The following PASK variants were observed in gnomAD, a reference collection of about 807,000 sequenced individuals.
PASK encodes the protein PAS domain containing serine/threonine kinase.
PASK carries 110 observed loss-of-function variants against 121.0 expected under a neutral mutation model. That is an observed-to-expected ratio of 0.91 (90% CI 0.78 to 1.06). The LOEUF (loss-of-function observed/expected upper bound fraction) is 1.06, where lower values mean the gene tolerates loss of function less well. Ranked by LOEUF, PASK falls within the 50% of genes least tolerant of loss-of-function variation. The pLI, the probability that PASK is intolerant of heterozygous loss-of-function variation, is 0.00. For missense variants in PASK, 1,643 were observed against 1,702.3 expected (o/e 0.97, Z 0.61); for synonymous variants, 686 against 717.8 (o/e 0.96, Z 0.71).
At position 241,108,397 on chromosome 2, in the gene PASK, C is replaced by G; in HGVS notation, c.3534-97G>C. ...ACCATGGCCCTTCCCGACCAGCACACAGGCCAGGCAGTGGTTTCCCAAGAG... is the reference window on the plus strand; with the variant it reads ...ACCATGGCCCTTCCCGACCAGCACAGAGGCCAGGCAGTGGTTTCCCAAGAG... On this transcript the variant is annotated intron_variant, in intron 15 of 17. Transcript: ENST00000234040. The surrounding 1 kb of genome is among the most constrained non-coding windows in gnomAD (Gnocchi z 5.2). The G allele has an allele frequency of 8.1e-7, 1 of 1,241,086 alleles. No homozygotes were observed. The highest frequency in any genetic ancestry group is 1.2e-6 in the Non-Finnish European group (1 of 857,658). 76.9% of individuals were successfully genotyped at this position (1,241,086 alleles called of 1,614,324 possible).
intron 17 of PASK, 42 bp from the exon 18 acceptor site, chr2:241,106,765 T>G (rs2125397095): frequency 6.3e-7 from 1 of 1,596,596 alleles, no homozygotes; most frequent in East Asian, 2.2e-5. Flanking sequence ...GCTAACAACT[T>G]AAGGTTCTAA....
At chr2:241,123,873 G>T in intron 11 of PASK, 76 bp downstream of exon 11, 1 of 1,228,066 alleles carries the variant, frequency 8.1e-7, no homozygotes, top group Non-Finnish European at 1.2e-6. Flanking sequence ...CAAGGAAACA[G>T]AGAGAGATGC....
Position 241,132,865 on chromosome 2 carries a change from G to A in PASK, c.1463+9C>T, listed in dbSNP as rs11684830. On this transcript the variant is annotated intron_variant, in intron 9 of 17. Transcript: ENST00000234040. ...TAGTAAACCTGCAACCTCCCACCAA[G>A]GGACTTACCCTGGAGCAGGCTGAGG... 0.41 allele frequency: 657,893 copies of A among 1,610,078 alleles called. 142,275 individuals are homozygous for A. Among genetic ancestry groups the A allele is most frequent in the Middle Eastern group, 0.5 (3,001 of 6,044 alleles).
chr2:241,133,613 G>A lies in PASK; in HGVS notation c.1307-583C>T, dbSNP rs986611813. 6.0e-5 allele frequency: 11 copies of A among 183,470 alleles called. No homozygotes were observed. In the East Asian group the frequency reaches 8.1e-4, roughly 13 times the overall value. 11.4% of individuals were successfully genotyped at this position (183,470 alleles called of 1,614,324 possible). A position where few individuals can be genotyped will look rare whatever the true frequency, so the allele number is the denominator to read the frequency against. The stretch of plus-strand genomic sequence containing the variant: ...CCCGTGAGCGCAGGGGCATCTGCAC[G>A]CAGTGCAGCCTGGCACGTGGTAGGG... On this transcript the variant is annotated intron_variant, in intron 8 of 17. Coordinates refer to ENST00000234040, the MANE Select transcript of PASK (RefSeq NM_015148.4).
chr2:241,139,228 G>A (rs142032060), intron 4 of PASK, among the ~76,000 whole-genome samples: 2 of 152,194 alleles, frequency 1.3e-5, no homozygotes, highest in Non-Finnish European at 2.9e-5. Flanking sequence ...CACTAGGTGG[G>A]AAACAGGCAA....
At chr2:241,149,895 C>T (rs988487502), upstream of PASK, 3 of 1,441,180 alleles carry the variant, frequency 2.1e-6, no homozygotes, top group Non-Finnish European at 2.7e-6. Flanking sequence ...AGCGGCCCCA[C>T]CAGCGCAAGT....
chr2:241,142,891 G>T lies in PASK; in HGVS notation c.142C>A (p.Leu48Met). Residue 48 changes from leucine to methionine, a missense_variant, in exon 2 of 18, where the codon CTG becomes ATG. Physicochemically the swap from Leu to Met is conservative, Grantham distance 15. Coordinates refer to ENST00000234040, the MANE Select transcript of PASK (RefSeq NM_015148.4). Reference protein sequence around the residue: ...SRSFSSAHRHLSRRNGLSRLC... With the variant: ...SRSFSSAHRHMSRRNGLSRLC... ...CTGGAAAGCCCATTCCTTCTGCTCA[G>T]GTGTCTGTGGGCTGAGGAAAACGAC... 1 of 1,614,100 alleles carries T rather than the reference G, an allele frequency of 6.2e-7. No individual in the cohort carries two copies. The highest frequency in any genetic ancestry group is 8.5e-7 in the Non-Finnish European group (1 of 1,179,992).
rs2066623873 is a variant in PASK at position 241,139,917 on chromosome 2, C to T, written c.568G>A (p.Asp190Asn). The T allele has an allele frequency of 2.5e-6, 4 of 1,614,090 alleles. No individual in the cohort carries two copies. Among genetic ancestry groups the T allele is most frequent in the Admixed American group, 1.7e-5 (1 of 60,018 alleles). Residue 190 changes from aspartate (D) to asparagine (N), a missense_variant, in exon 4 of 18, where the codon GAC (aspartate) becomes AAC (asparagine). By Grantham distance (23) the Asp-to-Asn change is conservative (BLOSUM62 1). This residue lies in a region of PASK where 1,176 missense variants were observed against 1,162.2 expected (regional missense o/e 1.01). Transcript: ENST00000234040. ...CCAAACACCACCGCAGCGTGGCCGT[C>T]GGCCTCCATGTGCTCCTCGCTGAGG... ...EALSEEHMEA[D>N]GHAAVVFGTV... is the part of the protein sequence containing the mutation.
At chr2:241,117,695 C>G (rs534707795) in intron 12 of PASK, among the ~76,000 whole-genome samples, 2 of 152,152 alleles carry the variant, frequency 1.3e-5, no homozygotes, top group Non-Finnish European at 2.9e-5. Context: ...AAATAAATCA[C>G]GTTTTGCTGT....
rs184655247 is a variant in PASK at position 241,145,471 on chromosome 2, T to C, written c.-42-2397A>G. ...GAGACCTGTCAAACCAAATAAAATATAAAATAAAATCACTAAGTTTTTAGG... is the reference window on the plus strand; with the variant it reads ...GAGACCTGTCAAACCAAATAAAATACAAAATAAAATCACTAAGTTTTTAGG... On this transcript the variant is annotated intron_variant, in intron 1 of 17. Coordinates refer to ENST00000234040, the MANE Select transcript of PASK (RefSeq NM_015148.4). Among the ~76,000 whole-genome samples the C allele has an allele frequency of 7.9e-5, 12 of 152,164 alleles. No homozygotes were observed. The East Asian group carries it at 2.3e-3, about 29-fold the overall frequency.
chr2:241,118,147 C>G (rs1237236902), intron 12 of PASK, among the ~76,000 whole-genome samples: 1 of 151,678 alleles, frequency 6.6e-6, no homozygotes, highest in Non-Finnish European at 1.5e-5. Flanking sequence ...GCAAAACTGA[C>G]AAGCTCATCC....
intron 9 of PASK, among the ~76,000 whole-genome samples, chr2:241,132,171 G>A (rs1167010837): frequency 6.6e-6 from 1 of 151,524 alleles, no homozygotes; most frequent in Admixed American, 6.6e-5. Flanking sequence ...TTTTCCAAAT[G>A]TTCCTAATTC....
At position 241,112,821 on chromosome 2, in the gene PASK, G is replaced by A. The variant is rs1161560281; in HGVS notation, c.3334-382C>T. 1 of 282,624 alleles carries A rather than the reference G, an allele frequency of 3.5e-6. No individual in the cohort carries two copies. The highest frequency in any genetic ancestry group is 2.3e-5 in the African/African-American group (1 of 44,266). The allele number at this position is 282,624 out of a possible 1,614,324, so 17.5% of individuals were successfully genotyped here. A position where few individuals can be genotyped will look rare whatever the true frequency, so the allele number is the denominator to read the frequency against. On this transcript the variant is annotated intron_variant, in intron 14 of 17. Transcript: ENST00000234040. The surrounding 1 kb of genome is among the most constrained non-coding windows in gnomAD (Gnocchi z 5.2). ...AGACACTCATGGTGGGCAAGTGAATGGGTGCAGGTTTGGTGTTAAGTGGGA... is the reference window on the plus strand; with the variant it reads ...AGACACTCATGGTGGGCAAGTGAATAGGTGCAGGTTTGGTGTTAAGTGGGA...
rs1451544619 is a variant in PASK at position 241,126,596 on chromosome 2, C to T, written c.2319G>A (p.Leu773=). ...TSELRETPSS[L]AVGSDPDVGS... is the part of the protein sequence containing the mutation. ...CTACATCTGGATCGGAGCCCACTGC[C>T]AAGGAAGAGGGTGTCTCTCTGAGTT... The change falls in exon 10 of 18, where the codon TTG becomes TTA. Residue 773 remains leucine (L), a synonymous_variant. Transcript: ENST00000234040. 1 of 1,614,110 alleles carries T rather than the reference C, an allele frequency of 6.2e-7. No homozygotes were observed. Among genetic ancestry groups the T allele is most frequent in the African/African-American group, 1.3e-5 (1 of 74,942 alleles).
intron 2 of PASK, among the ~76,000 whole-genome samples, chr2:241,141,404 A>G (rs1354757900): frequency 2.6e-5 from 4 of 152,194 alleles, no homozygotes; most frequent in Admixed American, 2.0e-4. Flanking sequence ...CCTCCTTGGA[A>G]GCGTTCCTAC....
chr2:241,126,609 GTC>G lies in PASK; in HGVS notation c.2304_2305del (p.Glu768AspfsTer26). The G allele has an allele frequency of 6.2e-7, 1 of 1,614,218 alleles. No homozygotes were observed. The highest frequency in any genetic ancestry group is 8.5e-7 in the Non-Finnish European group (1 of 1,180,008). On this transcript the variant is annotated frameshift_variant, in exon 10 of 18. Transcript: ENST00000234040. LOFTEE classifies it high-confidence loss of function. ...GGAGCCCACTGCCAAGGAAGAGGGTGTCTCTCTGAGTTCAGACGTAGCACAGG... is the reference window on the plus strand; with the variant it reads ...GGAGCCCACTGCCAAGGAAGAGGGTGTCTCTGAGTTCAGACGTAGCACAGG...
intron 1 of PASK, among the ~76,000 whole-genome samples, chr2:241,149,068 C>T (rs1476297376): frequency 6.6e-6 from 1 of 152,056 alleles, no homozygotes; most frequent in Non-Finnish European, 1.5e-5. Context: ...GAGCTCGCCC[C>T]GCAGGGCCGG....
rs959339245 is a variant in PASK, at chr2:241,112,661, G to T, written c.3334-222C>A. ...TTCACTGGGGATGGCCACGTTAGCC[G>T]GCAAGGTGGCAACATCAATGAGACT... On this transcript the variant is annotated intron_variant, in intron 14 of 17. Transcript: ENST00000234040. The surrounding 1 kb of genome is among the most constrained non-coding windows in gnomAD (Gnocchi z 5.2). 1 of 517,316 alleles carries T rather than the reference G, an allele frequency of 1.9e-6. No individual in the cohort carries two copies. The highest frequency in any genetic ancestry group is 3.4e-5 in the Admixed American group (1 of 29,578). 32.0% of individuals were successfully genotyped at this position (517,316 alleles called of 1,614,324 possible).
intron 5 of PASK, 114 bp downstream of exon 5, chr2:241,138,540 C>T (rs1402808853): frequency 2.3e-6 from 3 of 1,280,094 alleles, no homozygotes; most frequent in East Asian, 4.6e-5. Context: ...ACCCTCCAGG[C>T]TCCTCATCCT....
Sources: gnomAD v4.1 joint callset for allele counts (sites outside exome capture counted in the v4.1 genomes callset) on GRCh38, gnomAD v4.1.1 for gene constraint, gnomAD v4.1.1 regional missense constraint, Gnocchi (gnomAD v3.1) non-coding constraint, MANE v1.5 for transcripts, NCBI Gene and HGNC (gene_info 2026-07-23, HGNC 2026-07-21) for gene names.